EIF4EBP1: variants seen among roughly 807,000 people sequenced by gnomAD.
EIF4EBP1 encodes eukaryotic translation initiation factor 4E binding protein 1.
Under a neutral mutation model 9.2 loss-of-function variants are expected in EIF4EBP1, and 5 were observed. That is an observed-to-expected ratio of 0.54 (90% CI 0.28 to 1.14). The LOEUF is 1.14. Ranked by LOEUF, EIF4EBP1 falls within the 50% of genes most tolerant of loss-of-function variation. The pLI is 0.09. For missense variants in EIF4EBP1, 139 were observed against 169.6 expected (o/e 0.82, Z 1.00); for synonymous variants, 62 against 67.0 (o/e 0.93, Z 0.36).
intron 1 of EIF4EBP1, among the ~76,000 whole-genome samples, chr8:38,042,117 G>A (rs1371751504): frequency 6.6e-6 from 1 of 152,070 alleles, no homozygotes; most frequent in Non-Finnish European, 1.5e-5. Flanking sequence ...CCCCCTCCAA[G>A]TGTCCTGCAG....
chr8:38,035,650 G>A (rs886988658), intron 1 of EIF4EBP1, among the ~76,000 whole-genome samples: 18 of 151,056 alleles, frequency 1.2e-4, no homozygotes, highest in African/African-American at 4.4e-4. Flanking sequence ...GAGAATCCCG[G>A]GTAGCTGGGA....
At chr8:38,040,801 A>G (rs1373148420) in intron 1 of EIF4EBP1, among the ~76,000 whole-genome samples, 2 of 152,180 alleles carry the variant, frequency 1.3e-5, no homozygotes, top group Non-Finnish European at 2.9e-5. Context: ...TCACTTACCA[A>G]GTATTCTGTC....
At chr8:38,049,324 A>G (rs1374646199) in intron 1 of EIF4EBP1, among the ~76,000 whole-genome samples, 9 of 151,834 alleles carry the variant, frequency 5.9e-5, no homozygotes, top group Non-Finnish European at 1.2e-4. Flanking sequence ...GTCCTTGTGT[A>G]TACCTGAAAA....
At chr8:38,030,857 G>C (rs1809206962) in intron 1 of EIF4EBP1, 139 bp downstream of exon 1, 1 of 1,287,500 alleles carries the variant, frequency 7.8e-7, no homozygotes, top group Non-Finnish European at 1.0e-6. Flanking sequence ...GAGACAGCGA[G>C]GGTCATGGAA....
At chr8:38,031,836 T>C (rs1433178345) in intron 1 of EIF4EBP1, among the ~76,000 whole-genome samples, 1 of 152,230 alleles carries the variant, frequency 6.6e-6, no homozygotes, top group Non-Finnish European at 1.5e-5. Flanking sequence ...GCCCCAGAGC[T>C]TGAACACGTG....
chr8:38,042,109 C>A (rs965823043), intron 1 of EIF4EBP1, among the ~76,000 whole-genome samples: 2 of 152,162 alleles, frequency 1.3e-5, no homozygotes, highest in Admixed American at 6.6e-5. Context: ...CTCCTCTTCC[C>A]CCTCCAAGTG....
intron 1 of EIF4EBP1, among the ~76,000 whole-genome samples, chr8:38,044,643 T>TG (rs1809427876): frequency 6.6e-6 from 1 of 152,330 alleles, no homozygotes; most frequent in African/African-American, 2.4e-5. Context: ...TCTCACTGTG[T>TG]TGCCCAGGCT....
rs555160609 is a variant in EIF4EBP1, at chr8:38,060,216, C to G, written c.*281C>G. 6 of 312,466 alleles carry G rather than the reference C, an allele frequency of 1.9e-5. No individual in the cohort carries two copies. Among genetic ancestry groups the G allele is most frequent in the East Asian group, 4.0e-5 (1 of 24,806 alleles). 19.4% of individuals were successfully genotyped at this position (312,466 alleles called of 1,614,324 possible). On this transcript the variant is annotated 3_prime_UTR_variant, in exon 3 of 3. Transcript: ENST00000338825. ...CCAAGGGCCAGGAAGTGGACAAGAA[C>G]GAACCCTTCCTTCCGAATGATCAGC...
chr8:38,039,623 C>CA (rs1248106501), intron 1 of EIF4EBP1, among the ~76,000 whole-genome samples: 6 of 151,854 alleles, frequency 4.0e-5, no homozygotes, highest in African/African-American at 1.4e-4. Flanking sequence ...AGGCTGGTCT[C>CA]AAACTCCTGA....
intron 1 of EIF4EBP1, among the ~76,000 whole-genome samples, chr8:38,051,816 C>G (rs1054769688): frequency 2.0e-5 from 3 of 151,978 alleles, no homozygotes; most frequent in Non-Finnish European, 2.9e-5. Flanking sequence ...AGGCTGGTCT[C>G]GAACTCCTGA....
chr8:38,059,779 A>C, intron 2 of EIF4EBP1, 125 bp from the exon 3 acceptor site: 1 of 1,015,836 alleles, frequency 9.8e-7, no homozygotes, highest in South Asian at 1.5e-5. Context: ...AAAAAAACAA[A>C]AAAAAACTTA....
intron 1 of EIF4EBP1, among the ~76,000 whole-genome samples, chr8:38,046,886 C>T (rs1809454897): frequency 6.6e-6 from 1 of 152,234 alleles, no homozygotes. Flanking sequence ...ACCCCCAGCA[C>T]ACAACGGGCT....
chr8:38,049,630 C>T (rs1360378758), intron 1 of EIF4EBP1, among the ~76,000 whole-genome samples: 1 of 151,612 alleles, frequency 6.6e-6, no homozygotes, highest in Non-Finnish European at 1.5e-5. Flanking sequence ...TATAGACACA[C>T]ACCACCATGC....
rs551557422 is a variant in EIF4EBP1 at position 38,050,337 on chromosome 8, G to A, written c.146-6744G>A. The stretch of plus-strand genomic sequence containing the variant: ...ATGTGTGGGAACATTTGACTGGTTG[G>A]TTTTTTAAATTTTTTAAAATTTAGT... On this transcript the variant is annotated intron_variant, in intron 1 of 2. Coordinates refer to ENST00000338825, the MANE Select transcript of EIF4EBP1 (RefSeq NM_004095.4). Among the ~76,000 whole-genome samples the A allele has an allele frequency of 8.3e-4, 126 of 152,190 alleles. 1 individual carries two copies. The highest frequency in any genetic ancestry group is 2.6e-3 in the African/African-American group (107 of 41,542).
At chr8:38,054,515 A>C (rs1374110400) in intron 1 of EIF4EBP1, among the ~76,000 whole-genome samples, 1 of 152,150 alleles carries the variant, frequency 6.6e-6, no homozygotes, top group Non-Finnish European at 1.5e-5. Context: ...GCCGAGTCTC[A>C]AAGATTAAGA....
intron 1 of EIF4EBP1, among the ~76,000 whole-genome samples, chr8:38,038,261 C>T (rs1387438953): frequency 1.3e-5 from 2 of 151,720 alleles, no homozygotes; most frequent in Non-Finnish European, 2.9e-5. Context: ...GTAATCCCAG[C>T]ACTTTGGGAG....
intron 2 of EIF4EBP1, 128 bp from the exon 3 acceptor site, chr8:38,059,774 AAC>A: frequency 1.0e-6 from 1 of 975,520 alleles, no homozygotes; most frequent in South Asian, 1.5e-5. Context: ...AAAACAAAAA[AAC>A]AAAAAAAAAC....
At position 38,060,176 on chromosome 8, in the gene EIF4EBP1, CAGCACACCCTGCAGCCAAGGGCCAGGA is replaced by C. The variant is rs1809655477; in HGVS notation, c.*244_*270del. 3.4e-6 allele frequency: 2 copies of C among 589,740 alleles called. No individual in the cohort carries two copies. Among genetic ancestry groups the C allele is most frequent in the Non-Finnish European group, 6.1e-6 (2 of 329,654 alleles). The allele number at this position is 589,740 out of a possible 1,614,324, so 36.5% of individuals were successfully genotyped here. ...CCACCCCAAGGGGAGTGACCCCTGC[CAGCACACCCTGCAGCCAAGGGCCAGGA>C]AGTGGACAAGAACGAACCCTTCCTT... On this transcript the variant is annotated 3_prime_UTR_variant, in exon 3 of 3. Transcript: ENST00000338825.
chr8:38,041,455 G>A (rs1475139899), intron 1 of EIF4EBP1, among the ~76,000 whole-genome samples: 1 of 152,168 alleles, frequency 6.6e-6, no homozygotes, highest in East Asian at 1.9e-4. Context: ...AGGAATGGGA[G>A]GAGTGGTAGG....
Sources: gnomAD v4.1 joint callset for allele counts (sites outside exome capture counted in the v4.1 genomes callset) on GRCh38, gnomAD v4.1.1 for gene constraint, MANE v1.5 for transcripts, NCBI Gene and HGNC (gene_info 2026-07-23, HGNC 2026-07-21) for gene names.